The following ADAMTS6 variants were observed in gnomAD, a reference collection of about 807,000 sequenced individuals.
The protein encoded by ADAMTS6 is ADAM metallopeptidase with thrombospondin type 1 motif 6.
In ADAMTS6, 23 loss-of-function variants were observed where a neutral mutation model predicts 144.3. The observed-to-expected ratio is 0.16, with a 90% CI of 0.11 to 0.23. The LOEUF (loss-of-function observed/expected upper bound fraction) is 0.23, where lower values mean the gene tolerates loss of function less well. Ranked by LOEUF, ADAMTS6 falls within the 10% of genes least tolerant of loss-of-function variation. ADAMTS6 has a pLI of 1.00. For missense variants in ADAMTS6, 999 were observed against 1,379.6 expected (o/e 0.72, Z 4.37); for synonymous variants, 444 against 457.5 (o/e 0.97, Z 0.38).
intron 7 of ADAMTS6, among the ~76,000 whole-genome samples, chr5:65,378,553 C>T (rs530844748): frequency 7.2e-5 from 11 of 152,140 alleles, no homozygotes; most frequent in Non-Finnish European, 1.6e-4. Flanking sequence ...AAAAACTCCT[C>T]CAGTTTCATT....
intron 11 of ADAMTS6, among the ~76,000 whole-genome samples, chr5:65,275,372 A>C (rs1762404050): frequency 7.4e-6 from 1 of 134,812 alleles, no homozygotes; most frequent in East Asian, 2.0e-4. Flanking sequence ...AGAAAGAAAG[A>C]AAGAAAGAAA....
At chr5:65,314,420 T>C (rs905350650) in intron 9 of ADAMTS6, among the ~76,000 whole-genome samples, 48 of 152,006 alleles carry the variant, frequency 3.2e-4, no homozygotes, top group Admixed American at 3.0e-3. Context: ...GTGACTTCCA[T>C]GTACATGTAA....
intron 1 of ADAMTS6, among the ~76,000 whole-genome samples, chr5:65,478,492 T>G (rs146331683): frequency 3.7e-4 from 56 of 152,352 alleles, no homozygotes; most frequent in African/African-American, 1.1e-3. Flanking sequence ...ACCATGATAT[T>G]GATGTCTATC....
intron 3 of ADAMTS6, among the ~76,000 whole-genome samples, chr5:65,466,682 T>C (rs1178821376): frequency 1.3e-5 from 2 of 152,200 alleles, no homozygotes; most frequent in South Asian, 4.1e-4. Context: ...ATCATTGAGC[T>C]TTTCTAACTA....
chr5:65,159,719 G>A (rs961818871), intron 24 of ADAMTS6, among the ~76,000 whole-genome samples: 12 of 152,178 alleles, frequency 7.9e-5, no homozygotes, highest in African/African-American at 2.9e-4. Flanking sequence ...TTTGAGAACA[G>A]GGAACCTGTT....
intron 14 of ADAMTS6, chr5:65,251,029 G>A (rs1760114663): frequency 6.6e-6 from 1 of 152,102 alleles, no homozygotes; most frequent in African/African-American, 2.4e-5. Flanking sequence ...GATAGTTTTA[G>A]GTCATTTGAA....
intron 21 of ADAMTS6, among the ~76,000 whole-genome samples, chr5:65,193,044 CAATCGTGATTGAA>C (rs1755112967): frequency 6.6e-6 from 1 of 151,826 alleles, no homozygotes; most frequent in African/African-American, 2.4e-5. Flanking sequence ...ATAGGGAAAA[CAATCGTGATTGAA>C]AATAAGTATA....
chr5:65,427,185 T>G (rs1296978282), intron 7 of ADAMTS6, among the ~76,000 whole-genome samples: 1 of 152,196 alleles, frequency 6.6e-6, no homozygotes, highest in Non-Finnish European at 1.5e-5. Context: ...TACGGTTATA[T>G]AAATGTACTC....
chr5:65,385,503 G>A (rs1357897426), intron 7 of ADAMTS6, among the ~76,000 whole-genome samples: 1 of 152,140 alleles, frequency 6.6e-6, no homozygotes, highest in Non-Finnish European at 1.5e-5. Context: ...GATTATATTA[G>A]TATGAAATCA....
intron 15 of ADAMTS6, among the ~76,000 whole-genome samples, chr5:65,239,304 T>C (rs1451003326): frequency 1.3e-5 from 2 of 150,014 alleles, no homozygotes; most frequent in Non-Finnish European, 3.0e-5. Flanking sequence ...ACTCTAGTTA[T>C]AGTAATCAAG....
chr5:65,388,495 A>G (rs1402379253), intron 7 of ADAMTS6, among the ~76,000 whole-genome samples: 1 of 152,170 alleles, frequency 6.6e-6, no homozygotes, highest in Non-Finnish European at 1.5e-5. Flanking sequence ...TGGAGCTAGA[A>G]AAGCACGCGA....
chr5:65,440,981 C>A (rs1380208209), intron 7 of ADAMTS6, among the ~76,000 whole-genome samples: 1 of 152,100 alleles, frequency 6.6e-6, no homozygotes, highest in Non-Finnish European at 1.5e-5. Context: ...GTCAGGCACC[C>A]AATCAAAGAT....
intron 8 of ADAMTS6, among the ~76,000 whole-genome samples, chr5:65,332,048 A>G (rs1746774921): frequency 6.6e-6 from 1 of 151,880 alleles, no homozygotes; most frequent in South Asian, 2.1e-4. Context: ...GAAGTAGCAT[A>G]GGAAAACACC....
intron 7 of ADAMTS6, among the ~76,000 whole-genome samples, chr5:65,447,666 C>T (rs920997446): frequency 4.0e-5 from 6 of 151,336 alleles, no homozygotes; most frequent in Middle Eastern, 3.5e-3. Context: ...ACCACTGATA[C>T]ATTGTGAATT....
chr5:65,470,681 T>C (rs1308818647), intron 3 of ADAMTS6, 97 bp downstream of exon 3: 4 of 1,003,080 alleles, frequency 4.0e-6, no homozygotes, highest in East Asian at 3.4e-5. Flanking sequence ...AAACTACCTA[T>C]ATATATATAT....
intron 22 of ADAMTS6, 118 bp downstream of exon 22, chr5:65,187,898 G>A (rs1474776835): frequency 1.4e-5 from 14 of 1,035,882 alleles, no homozygotes; most frequent in Non-Finnish European, 1.8e-5. Context: ...CATGGTCACT[G>A]TTACACAGCC....
At chr5:65,279,977 C>A (rs965060062) in intron 11 of ADAMTS6, among the ~76,000 whole-genome samples, 2 of 152,104 alleles carry the variant, frequency 1.3e-5, no homozygotes, top group African/African-American at 4.8e-5. Flanking sequence ...TAGAAGTGCA[C>A]CTTCATTTAT....
intron 7 of ADAMTS6, among the ~76,000 whole-genome samples, chr5:65,371,526 G>T (rs1358672333): frequency 6.6e-6 from 1 of 152,116 alleles, no homozygotes; most frequent in Non-Finnish European, 1.5e-5. Context: ...TATCAGCGAT[G>T]GAAGATGAAG....
intron 7 of ADAMTS6, among the ~76,000 whole-genome samples, chr5:65,374,217 C>G (rs1293420198): frequency 6.6e-6 from 1 of 152,142 alleles, no homozygotes; most frequent in Non-Finnish European, 1.5e-5. Flanking sequence ...GATGGCCTCT[C>G]TCACCACTCC....
Sources: gnomAD v4.1 joint callset for allele counts (sites outside exome capture counted in the v4.1 genomes callset) on GRCh38, gnomAD v4.1.1 for gene constraint, MANE v1.5 for transcripts, NCBI Gene and HGNC (gene_info 2026-07-23, HGNC 2026-07-21) for gene names.